The following CSNK2A2 variants were observed in gnomAD, a reference collection of about 807,000 sequenced individuals.
CSNK2A2 encodes casein kinase 2 alpha 2.
CSNK2A2 carries 8 observed loss-of-function variants against 54.0 expected under a neutral mutation model. The observed-to-expected ratio is 0.15, with a 90% CI of 0.09 to 0.27. The LOEUF (loss-of-function observed/expected upper bound fraction) is 0.27. Ranked by LOEUF, CSNK2A2 falls within the 10% of genes least tolerant of loss-of-function variation. The probability of loss-of-function intolerance (pLI) is 1.00; values close to 1 mark genes in which losing one functional copy is unlikely to be tolerated. For synonymous variants in CSNK2A2, 141 were observed against 153.9 expected (o/e 0.92, Z 0.62); for missense variants, 242 against 439.4 (o/e 0.55, Z 4.02).
At chr16:58,184,020 A>G (rs1288539081) in intron 4 of CSNK2A2, among the ~76,000 whole-genome samples, 2 of 152,226 alleles carry the variant, frequency 1.3e-5, no homozygotes, top group Admixed American at 6.5e-5. Context: ...GCATTAGCTT[A>G]GACCCAGCCG....
intron 11 of CSNK2A2, among the ~76,000 whole-genome samples, 160 bp from the exon 12 acceptor site, chr16:58,158,513 A>G (rs1961218182): frequency 6.6e-6 from 1 of 152,186 alleles, no homozygotes. Context: ...TCAGGTTTCC[A>G]ACAGTACCCT....
At chr16:58,186,977 G>A in intron 2 of CSNK2A2, 121 bp from the exon 3 acceptor site, 1 of 732,900 alleles carries the variant, frequency 1.4e-6, no homozygotes, top group South Asian at 2.0e-5. Flanking sequence ...TTGTGTTCAA[G>A]AGTGTGCCTA....
At chr16:58,166,466 A>G (rs1377922282) in intron 9 of CSNK2A2, 118 bp downstream of exon 9, 2 of 614,242 alleles carry the variant, frequency 3.3e-6, no homozygotes. Context: ...TGCATAGGAA[A>G]AAAGAGGGCT....
In CSNK2A2 at chr16:58,158,097, T is replaced by C. The variant is rs1485357325; in HGVS notation, c.*274A>G. The C allele has an allele frequency of 6.6e-6, 1 of 152,500 alleles. No individual in the cohort carries two copies. Among genetic ancestry groups the C allele is most frequent in the African/African-American group, 2.4e-5 (1 of 41,394 alleles). The allele number at this position is 152,500 out of a possible 1,614,324, so 9.4% of individuals were successfully genotyped here. A position where few individuals can be genotyped will look rare whatever the true frequency, so the allele number is the denominator to read the frequency against. ...GGGGAGCAACAGTAACCAACAACAT[T>C]CTGCATACCCTTCACATTCCCCATG... On this transcript the variant is annotated 3_prime_UTR_variant, in exon 12 of 12. Transcript: ENST00000262506.
intron 3 of CSNK2A2, 25 bp from the exon 4 acceptor site, chr16:58,184,335 T>C: frequency 1.3e-6 from 2 of 1,519,440 alleles, no homozygotes; most frequent in South Asian, 1.2e-5. Context: ...ATTAATGCTT[T>C]TTAAGTACCC....
intron 5 of CSNK2A2, among the ~76,000 whole-genome samples, chr16:58,170,346 T>C (rs190787219): frequency 6.6e-6 from 1 of 152,078 alleles, no homozygotes; most frequent in Non-Finnish European, 1.5e-5. Flanking sequence ...AAATCATACA[T>C]GTATAGTGCT....
intron 4 of CSNK2A2, among the ~76,000 whole-genome samples, chr16:58,182,383 A>C (rs1315930758): frequency 1.5e-5 from 2 of 131,954 alleles, no homozygotes; most frequent in Admixed American, 1.5e-4. Flanking sequence ...CCAAAAAAAA[A>C]AAAAAAAAAA....
intron 1 of CSNK2A2, 146 bp from the exon 2 acceptor site, chr16:58,196,990 C>T: frequency 1.5e-6 from 1 of 679,074 alleles, no homozygotes; most frequent in Non-Finnish European, 2.7e-6. Context: ...TAAATGAAAG[C>T]CACGACATAA....
chr16:58,197,723 G>A lies in CSNK2A2; in HGVS notation c.14C>T (p.Ala5Val). MPGP[A>V]AGSRARVYAE... ...GTAGACCCGGGCCCTGCTGCCCGCG[G>A]CCGGGCCGGGCATGGCGGGCGGGAC... Residue 5 changes from alanine (A) to valine (V), a missense_variant, in exon 1 of 12, where the codon GCC becomes GTC. Ala to Val is a moderately conservative substitution (Grantham distance 64). This residue lies in a region of CSNK2A2 where 48 missense variants were observed against 55.4 expected (regional missense o/e 0.87). Coordinates refer to ENST00000262506, the MANE Select transcript of CSNK2A2 (RefSeq NM_001896.4). This position sits in a 1 kb window ranked among gnomAD's most constrained non-coding sequence, Gnocchi z 4.0. 2 of 1,466,132 alleles carry A rather than the reference G, an allele frequency of 1.4e-6. No individual in the cohort carries two copies. Among genetic ancestry groups the A allele is most frequent in the South Asian group, 2.6e-5 (2 of 76,200 alleles). The allele number at this position is 1,466,132 out of a possible 1,614,324, so 90.8% of individuals were successfully genotyped here. A position where few individuals can be genotyped will look rare whatever the true frequency, so the allele number is the denominator to read the frequency against.
At chr16:58,167,152 C>T in intron 8 of CSNK2A2, 55 bp downstream of exon 8, 1 of 1,210,998 alleles carries the variant, frequency 8.3e-7, no homozygotes, top group Non-Finnish European at 1.2e-6. Context: ...TCTAAGGATG[C>T]TATTTTTTTG....
chr16:58,161,526 G>GACAC (rs1164766819), intron 11 of CSNK2A2: 5 of 107,500 alleles, frequency 4.7e-5, no homozygotes, highest in African/African-American at 2.7e-4. Flanking sequence ...TAGACACACA[G>GACAC]ACACACACAC....
chr16:58,197,530 AG>A lies in CSNK2A2; in HGVS notation c.104+102del. ...CCTCTGCCTCCCTGCGGGCCCGCGG[AG>A]GGGTCGGCGGGAGACACCACCGGGC... On this transcript the variant is annotated intron_variant, in intron 1 of 11. Coordinates refer to ENST00000262506, the MANE Select transcript of CSNK2A2 (RefSeq NM_001896.4). This position sits in a 1 kb window ranked among gnomAD's most constrained non-coding sequence, Gnocchi z 4.0. The A allele has an allele frequency of 1.7e-6, 1 of 575,100 alleles. No homozygotes were observed. Among genetic ancestry groups the A allele is most frequent in the Non-Finnish European group, 2.8e-6 (1 of 352,164 alleles). The allele number at this position is 575,100 out of a possible 1,614,324, so 35.6% of individuals were successfully genotyped here. A position where few individuals can be genotyped will look rare whatever the true frequency, so the allele number is the denominator to read the frequency against.
intron 11 of CSNK2A2, chr16:58,162,436 C>G (rs980899054): frequency 6.6e-6 from 1 of 152,114 alleles, no homozygotes; most frequent in Non-Finnish European, 1.5e-5. Flanking sequence ...AAACTCAACT[C>G]TATAATAAGA....
chr16:58,183,928 G>C (rs999649725), intron 4 of CSNK2A2, among the ~76,000 whole-genome samples: 1 of 151,938 alleles, frequency 6.6e-6, no homozygotes, highest in African/African-American at 2.4e-5. Flanking sequence ...CCTTCCTCTC[G>C]GCAAAGTAAG....
At chr16:58,158,727 G>A (rs1961226505) in intron 11 of CSNK2A2, among the ~76,000 whole-genome samples, 1 of 152,188 alleles carries the variant, frequency 6.6e-6, no homozygotes, top group African/African-American at 2.4e-5. Flanking sequence ...GTCAGCTCTA[G>A]GTCCCCCTCA....
intron 11 of CSNK2A2, chr16:58,160,939 C>G (rs1168710796): frequency 2.0e-5 from 3 of 152,334 alleles, no homozygotes; most frequent in Admixed American, 2.0e-4. Context: ...GGAGGCCTGG[C>G]TGAGTGACTG....
intron 2 of CSNK2A2, among the ~76,000 whole-genome samples, chr16:58,195,389 T>C (rs1027924687): frequency 5.9e-5 from 9 of 152,216 alleles, no homozygotes; most frequent in African/African-American, 2.2e-4. Flanking sequence ...AATCATTTTT[T>C]CTGAAAGATG....
At chr16:58,180,184 A>C (rs1961996661) in intron 4 of CSNK2A2, among the ~76,000 whole-genome samples, 2 of 152,076 alleles carry the variant, frequency 1.3e-5, no homozygotes, top group Admixed American at 1.3e-4. Context: ...TGAAGGAAGA[A>C]AGAAGAAAAA....
chr16:58,184,336 T>C (rs2142439511), intron 3 of CSNK2A2, 26 bp from the exon 4 acceptor site: 1 of 1,518,398 alleles, frequency 6.6e-7, no homozygotes, highest in Non-Finnish European at 9.1e-7. Flanking sequence ...TTAATGCTTT[T>C]TAAGTACCCA....
Sources: allele counts gnomAD v4.1 joint callset (sites outside exome capture counted in the v4.1 genomes callset), GRCh38; gene constraint gnomAD v4.1.1; regional missense constraint gnomAD v4.1.1; non-coding constraint Gnocchi (gnomAD v3.1); transcripts MANE v1.5; gene names NCBI Gene and HGNC (gene_info 2026-07-23, HGNC 2026-07-21).